Variants in CTR9 observed in about 807,000 individuals in gnomAD.
CTR9 encodes CTR9 component of Paf1/RNA polymerase II complex.
Under a neutral mutation model 152.1 loss-of-function variants are expected in CTR9, and 41 were observed. The observed-to-expected ratio is 0.27, with a 90% CI of 0.21 to 0.35. The LOEUF is 0.35. CTR9 is among the 10% of genes least tolerant of loss of function. The pLI, the probability that CTR9 is intolerant of heterozygous loss-of-function variation, is 1.00. For missense variants in CTR9, 917 were observed against 1,424.4 expected, an observed-to-expected ratio of 0.64 and a Z score of 5.73; for synonymous variants, 476 against 496.2, an observed-to-expected ratio of 0.96 and a Z score of 0.54.
chr11:10,766,297 T>TA, intron 12 of CTR9, 105 bp from the exon 13 acceptor site: 2 of 788,816 alleles, frequency 2.5e-6, no homozygotes, highest in East Asian at 5.2e-5. Context: ...CTGTTCCTTT[T>TA]ATGGCGGTAT....
At chr11:10,754,863 TTG>T in intron 2 of CTR9, 93 bp from the exon 3 acceptor site, 1 of 1,300,888 alleles carries the variant, frequency 7.7e-7, no homozygotes, top group Non-Finnish European at 1.0e-6. Context: ...TTCCAGTTTT[TTG>T]TTATTACAAA....
intron 24 of CTR9, among the ~76,000 whole-genome samples, chr11:10,777,269 C>A: frequency 6.6e-6 from 1 of 151,784 alleles, no homozygotes; most frequent in East Asian, 2.0e-4. Context: ...AGGTGGCTCA[C>A]GCCTATAATC....
rs1052494174 is a variant in CTR9 at position 10,779,250 on chromosome 11, C to G, written c.*145C>G. The G allele has an allele frequency of 1.4e-6, 1 of 737,400 alleles. No individual in the cohort carries two copies. Among genetic ancestry groups the G allele is most frequent in the African/African-American group, 1.8e-5 (1 of 56,328 alleles). The allele number at this position is 737,400 out of a possible 1,614,324, so 45.7% of individuals were successfully genotyped here. The stretch of plus-strand genomic sequence containing the variant: ...TCTATCAGTTTGTATATTACTAAGC[C>G]CCAAGAGACATTTCCTGTGCTAGAG... On this transcript the variant is annotated 3_prime_UTR_variant, in exon 25 of 25. Coordinates refer to ENST00000361367, the MANE Select transcript of CTR9 (RefSeq NM_014633.5).
rs892190421 is a variant in CTR9, at chr11:10,777,753, A to G, written c.3096-926A>G. 2.6e-5 allele frequency among the ~76,000 whole-genome samples: 4 copies of G among 152,158 alleles called. No homozygotes were observed. The East Asian group carries it at 7.7e-4, about 29-fold the overall frequency. ...GAATGGAGTGAATTGGATCCCAGGG[A>G]AGACCCACAGGTCTTTAATATGTAT... On this transcript the variant is annotated intron_variant, in intron 24 of 24. Transcript: ENST00000361367.
In CTR9 at chr11:10,770,033, G is replaced by C. The variant is rs540677041; in HGVS notation, c.2110-177G>C. On this transcript the variant is annotated intron_variant, in intron 16 of 24. Transcript: ENST00000361367. ...CTAATGGTCAGATTTTTTATGTTGTGAAAATGTATCCTGATGAATGTCAAA... is the reference window on the plus strand; with the variant it reads ...CTAATGGTCAGATTTTTTATGTTGTCAAAATGTATCCTGATGAATGTCAAA... 1.1e-3 allele frequency among the ~76,000 whole-genome samples: 162 copies of C among 152,264 alleles called. 4 individuals carry two copies. Among genetic ancestry groups the C allele is most frequent in the Non-Finnish European group, 8.7e-4 (59 of 68,016 alleles).
chr11:10,758,866 A>G (rs182395797), intron 5 of CTR9, among the ~76,000 whole-genome samples: 3 of 152,328 alleles, frequency 2.0e-5, no homozygotes, highest in South Asian at 2.1e-4. Flanking sequence ...GAATGTTACA[A>G]TCCTACTAGA....
At chr11:10,752,190 A>G (rs983311180) in intron 1 of CTR9, among the ~76,000 whole-genome samples, 1 of 152,050 alleles carries the variant, frequency 6.6e-6, no homozygotes, top group Non-Finnish European at 1.5e-5. Flanking sequence ...ATTCCAGGAC[A>G]TTTTCCTATT....
intron 5 of CTR9, 69 bp from the exon 6 acceptor site, chr11:10,760,104 T>G: frequency 6.4e-7 from 1 of 1,556,184 alleles, no homozygotes; most frequent in Non-Finnish European, 8.8e-7. Context: ...TAGAGAATGT[T>G]TAAGCATTTT....
At position 10,758,250 on chromosome 11, in the gene CTR9, G is replaced by A. The variant is rs544366283; in HGVS notation, c.592+1412G>A. 2.3e-4 allele frequency among the ~76,000 whole-genome samples: 35 copies of A among 152,248 alleles called. No individual in the cohort carries two copies. The South Asian group carries it at 6.9e-3, about 30-fold the overall frequency. ...GACGTGATCTGACCTATATTTAAAA[G>A]GTTCGTTTGAGCTTTGGGGTTGAGA... is the stretch of plus-strand genomic sequence containing the variant. On this transcript the variant is annotated intron_variant, in intron 5 of 24. Transcript: ENST00000361367.
chr11:10,774,057 A>G lies in CTR9; in HGVS notation c.2773A>G (p.Thr925Ala). ...GEFDEFVNDD[T>A]DDDLPISKKK... ...GTTTGATGAATTTGTCAATGATGAC[A>G]CTGATGATGACCTACCTATATCCAA... The change falls in exon 22 of 25, where the codon ACT (threonine) becomes GCT (alanine). Residue 925 changes from threonine to alanine, a missense_variant. Coordinates refer to ENST00000361367, the MANE Select transcript of CTR9 (RefSeq NM_014633.5). 1 of 1,613,454 alleles carries G rather than the reference A, an allele frequency of 6.2e-7. No homozygotes were observed. Among genetic ancestry groups the G allele is most frequent in the Non-Finnish European group, 8.5e-7 (1 of 1,179,572 alleles).
chr11:10,772,716 A>G, intron 20 of CTR9, 61 bp downstream of exon 20: 4 of 1,451,752 alleles, frequency 2.8e-6, no homozygotes, highest in Non-Finnish European at 3.7e-6. Context: ...TACACTTTGT[A>G]TGTTTAAAAA....
At chr11:10,757,461 C>T (rs1226329526) in intron 5 of CTR9, among the ~76,000 whole-genome samples, 2 of 151,878 alleles carry the variant, frequency 1.3e-5, no homozygotes, top group East Asian at 1.9e-4. Context: ...TGCTTGTGGT[C>T]GCACCTACAC....
chr11:10,751,767 C>G (rs1013870276), intron 1 of CTR9, among the ~76,000 whole-genome samples: 2 of 152,110 alleles, frequency 1.3e-5, no homozygotes, highest in Non-Finnish European at 2.9e-5. Flanking sequence ...TGAGAGTACC[C>G]GATAAACTGT....
intron 17 of CTR9, 23 bp downstream of exon 17, chr11:10,770,349 C>T (rs1396143818): frequency 1.3e-6 from 2 of 1,598,582 alleles, no homozygotes; most frequent in Admixed American, 3.4e-5. Context: ...GATGTTATTC[C>T]CATCCATTTC....
chr11:10,764,837 G>T, intron 12 of CTR9, 106 bp downstream of exon 12: 1 of 1,038,196 alleles, frequency 9.6e-7, no homozygotes, highest in Non-Finnish European at 1.4e-6. Flanking sequence ...AATTGTTTAA[G>T]GTTCTAATGT....
chr11:10,772,759 C>A, intron 20 of CTR9, 104 bp downstream of exon 20: 1 of 1,181,330 alleles, frequency 8.5e-7, no homozygotes, highest in Non-Finnish European at 1.2e-6. Context: ...GTGGCTGACA[C>A]CTCTAATTCC....
Position 10,774,468 on chromosome 11 carries a change from G to A in CTR9, c.2885+299G>A, listed in dbSNP as rs1051371291. Among the ~76,000 whole-genome samples, 4 of 152,224 alleles carry A rather than the reference G, an allele frequency of 2.6e-5. No individual in the cohort carries two copies. The South Asian group carries it at 8.3e-4, about 31-fold the overall frequency. On this transcript the variant is annotated intron_variant, in intron 22 of 24. Transcript: ENST00000361367. Reference sequence around the variant, plus strand: ...TGTGATTTAGAATAAGACCTGGATTGTGTCCACACTAACTGTGCATGTGCA... The same window carrying A: ...TGTGATTTAGAATAAGACCTGGATTATGTCCACACTAACTGTGCATGTGCA...
At chr11:10,769,198 G>A (rs894411263) in intron 16 of CTR9, among the ~76,000 whole-genome samples, 4 of 152,038 alleles carry the variant, frequency 2.6e-5, no homozygotes, top group African/African-American at 7.2e-5. Context: ...CTCTAGCCTG[G>A]GCGACAAAGC....
intron 24 of CTR9, among the ~76,000 whole-genome samples, chr11:10,776,095 AT>A: frequency 6.6e-6 from 1 of 151,998 alleles, no homozygotes; most frequent in South Asian, 2.1e-4. Flanking sequence ...TTATCTATTT[AT>A]CTATTTTTGA....
Sources: allele counts gnomAD v4.1 joint callset (sites outside exome capture counted in the v4.1 genomes callset), GRCh38; gene constraint gnomAD v4.1.1; transcripts MANE v1.5; gene names NCBI Gene and HGNC (gene_info 2026-07-23, HGNC 2026-07-21).